Variants in DNM1L observed in about 807,000 individuals in gnomAD.
DNM1L encodes dynamin-1-like protein.
Under a neutral mutation model 92.8 loss-of-function variants are expected in DNM1L, and 33 were observed. The observed-to-expected ratio is 0.36, with a 90% CI of 0.27 to 0.48. The LOEUF (loss-of-function observed/expected upper bound fraction) is 0.48, where lower values mean the gene tolerates loss of function less well. Among genes scored for constraint, DNM1L ranks in the 20% least tolerant of loss-of-function variants. The pLI is 0.99. For missense variants in DNM1L, 485 were observed against 888.8 expected, an observed-to-expected ratio of 0.55 and a Z score of 5.78; for synonymous variants, 284 against 305.0, an observed-to-expected ratio of 0.93 and a Z score of 0.72.
Position 32,731,825 on chromosome 12 carries a change from C to A in DNM1L, c.1357-29C>A. ...ACTTAAAAAAAAAACAAAAAACAAA[C>A]ACGTTTTTCTTTCATCTACCATTTG... On this transcript the variant is annotated intron_variant, in intron 11 of 19. Coordinates refer to ENST00000549701, the MANE Select transcript of DNM1L (RefSeq NM_012062.5). This position sits in a 1 kb window ranked among gnomAD's most constrained non-coding sequence, Gnocchi z 5.1. 2 of 1,406,442 alleles carry A rather than the reference C, an allele frequency of 1.4e-6. No homozygotes were observed. The highest frequency in any genetic ancestry group is 2.0e-6 in the Non-Finnish European group (2 of 1,008,870). 87.1% of individuals were successfully genotyped at this position (1,406,442 alleles called of 1,614,324 possible).
In DNM1L at chr12:32,743,709, C is replaced by CA; in HGVS notation, c.*300dup. On this transcript the variant is annotated 3_prime_UTR_variant, in exon 20 of 20. Coordinates refer to ENST00000549701, the MANE Select transcript of DNM1L (RefSeq NM_012062.5). ...CTGTTAATGTTCTAGTTGTGCAAAG[C>CA]AGTTTGCCTGTGGATAAGATGACCT... 2.5e-6 allele frequency: 1 copy of CA among 395,194 alleles called. No homozygotes were observed. Among genetic ancestry groups the CA allele is most frequent in the Non-Finnish European group, 4.6e-6 (1 of 215,506 alleles). The allele number at this position is 395,194 out of a possible 1,614,324, so 24.5% of individuals were successfully genotyped here.
chr12:32,707,917 C>G (rs1332956158), intron 3 of DNM1L, among the ~76,000 whole-genome samples: 3 of 151,314 alleles, frequency 2.0e-5, no homozygotes, highest in South Asian at 4.2e-4. Flanking sequence ...TGCCACTGTA[C>G]TCCAGTCTGG....
chr12:32,726,610 C>T, intron 9 of DNM1L: 1 of 1,114,906 alleles, frequency 9.0e-7, no homozygotes, highest in Middle Eastern at 2.7e-4. Context: ...GCTTCAGCAT[C>T]ATCATCCAGA....
rs546998899 is a variant in DNM1L, at chr12:32,727,913, A to G, written c.1080-3101A>G. Reference sequence around the variant, plus strand: ...TGTAGAAGTAAGTTTATTAGATTAAAGGATATAACATCCTTAGAATCTTTC... The same window carrying G: ...TGTAGAAGTAAGTTTATTAGATTAAGGGATATAACATCCTTAGAATCTTTC... On this transcript the variant is annotated intron_variant, in intron 9 of 19. Transcript: ENST00000549701. Among the ~76,000 whole-genome samples the G allele has an allele frequency of 7.9e-5, 12 of 152,350 alleles. No homozygotes were observed. In the South Asian group the frequency reaches 2.5e-3, roughly 32 times the overall value.
At position 32,731,822 on chromosome 12, in the gene DNM1L, A is replaced by AAAAAACC. The variant is rs773437197; in HGVS notation, c.1357-30_1357-29insAAACCAA. The AAAAAACC allele has an allele frequency of 6.3e-6, 10 of 1,578,684 alleles. No individual in the cohort carries two copies. The South Asian group carries it at 1.1e-4, about 18-fold the overall frequency. On this transcript the variant is annotated intron_variant, in intron 11 of 19. Coordinates refer to ENST00000549701, the MANE Select transcript of DNM1L (RefSeq NM_012062.5). This position sits in a 1 kb window ranked among gnomAD's most constrained non-coding sequence, Gnocchi z 5.1. The stretch of plus-strand genomic sequence containing the variant: ...ATGACTTAAAAAAAAAACAAAAAAC[A>AAAAAACC]AACACGTTTTTCTTTCATCTACCAT...
At chr12:32,700,120 T>A (rs1208772150) in intron 1 of DNM1L, among the ~76,000 whole-genome samples, 2 of 150,540 alleles carry the variant, frequency 1.3e-5, no homozygotes, top group Admixed American at 1.3e-4. Flanking sequence ...GAATACTGTT[T>A]TAGCTATTTC....
In DNM1L at chr12:32,727,497, C is replaced by T. The variant is rs116785027; in HGVS notation, c.1080-3517C>T. On this transcript the variant is annotated intron_variant, in intron 9 of 19. Transcript: ENST00000549701. Reference sequence around the variant, plus strand: ...AAGAGGCAGCACTGCAAGCAGATGGCGCTAAAAAAAGAGACCCTATCTCTG... The same window carrying T: ...AAGAGGCAGCACTGCAAGCAGATGGTGCTAAAAAAAGAGACCCTATCTCTG... 4.4e-3 allele frequency: 2,471 copies of T among 559,444 alleles called. 49 individuals carry two copies. The highest frequency in any genetic ancestry group is 0.042 in the African/African-American group (2,232 of 53,008). The allele number at this position is 559,444 out of a possible 1,614,324, so 34.7% of individuals were successfully genotyped here. A position where few individuals can be genotyped will look rare whatever the true frequency, so the allele number is the denominator to read the frequency against.
Position 32,745,085 on chromosome 12 carries a change from A to C in DNM1L, c.*1675A>C, listed in dbSNP as rs754720545. 2.1e-6 allele frequency: 1 copy of C among 483,608 alleles called. No homozygotes were observed. Among genetic ancestry groups the C allele is most frequent in the East Asian group, 5.5e-5 (1 of 18,288 alleles). The allele number at this position is 483,608 out of a possible 1,614,324, so 30.0% of individuals were successfully genotyped here. ...ACTGATGTCAAACATAAAAACCCCCACATCAGTCTGATACGATATGGTACT... is the reference window on the plus strand; with the variant it reads ...ACTGATGTCAAACATAAAAACCCCCCCATCAGTCTGATACGATATGGTACT... On this transcript the variant is annotated 3_prime_UTR_variant, in exon 20 of 20. Coordinates refer to ENST00000549701, the MANE Select transcript of DNM1L (RefSeq NM_012062.5).
intron 13 of DNM1L, among the ~76,000 whole-genome samples, chr12:32,734,934 A>G (rs768258709): frequency 4.6e-5 from 7 of 152,252 alleles, no homozygotes; most frequent in Non-Finnish European, 8.8e-5. Flanking sequence ...ATTTTTGGTT[A>G]CATAGCTGGG....
chr12:32,713,340 A>T lies in DNM1L; in HGVS notation c.588A>T (p.Ala196=). The change falls in exon 6 of 20, where the codon GCA becomes GCT. Residue 196 remains alanine, a synonymous_variant. Coordinates refer to ENST00000549701, the MANE Select transcript of DNM1L (RefSeq NM_012062.5). The part of the protein sequence containing the change: ...AANTDMATSE[A]LKISREVDPD... ...ATACAGATATGGCAACATCAGAGGC[A>T]CTTAAAATTTCAAGAGAGGTAGATC... 1 of 1,613,934 alleles carries T rather than the reference A, an allele frequency of 6.2e-7. No individual in the cohort carries two copies. The highest frequency in any genetic ancestry group is 8.5e-7 in the Non-Finnish European group (1 of 1,179,920).
chr12:32,743,290 CG>C, intron 19 of DNM1L, 63 bp from the exon 20 acceptor site: 1 of 1,432,808 alleles, frequency 7.0e-7, no homozygotes, highest in South Asian at 1.2e-5. Context: ...AATTACCCTG[CG>C]TAATTCAGAT....
At chr12:32,723,378 T>A (rs566700740) in intron 9 of DNM1L, among the ~76,000 whole-genome samples, 1 of 152,230 alleles carries the variant, frequency 6.6e-6, no homozygotes, top group South Asian at 2.1e-4. Context: ...ATGAAAAAGA[T>A]TATTTTGCTA....
chr12:32,719,078 G>A lies in DNM1L; in HGVS notation c.740+315G>A, dbSNP rs1365704161. ...TGATCCTTTCACTTCAGCCTTTCAA[G>A]TAGCTGAGACTATAGGTGTGTATCA... On this transcript the variant is annotated intron_variant, in intron 7 of 19. Coordinates refer to ENST00000549701, the MANE Select transcript of DNM1L (RefSeq NM_012062.5). Among the ~76,000 whole-genome samples the A allele has an allele frequency of 3.3e-5, 5 of 151,764 alleles. No individual in the cohort carries two copies. The East Asian group carries it at 9.7e-4, about 29-fold the overall frequency.
intron 1 of DNM1L, among the ~76,000 whole-genome samples, chr12:32,684,514 G>A (rs1447058934): frequency 1.4e-5 from 2 of 143,434 alleles, no homozygotes; most frequent in East Asian, 4.0e-4. Context: ...GTTTTGCTCT[G>A]TTGCTCAGGC....
At chr12:32,709,292 T>G (rs1343708749) in intron 4 of DNM1L, among the ~76,000 whole-genome samples, 1 of 152,176 alleles carries the variant, frequency 6.6e-6, no homozygotes, top group Non-Finnish European at 1.5e-5. Flanking sequence ...ATATCAGGGA[T>G]ATTTTTGGCT....
At chr12:32,702,063 G>A (rs1363174978) in intron 2 of DNM1L, among the ~76,000 whole-genome samples, 3 of 150,916 alleles carry the variant, frequency 2.0e-5, no homozygotes, top group Admixed American at 6.6e-5. Flanking sequence ...GTGAAACCCC[G>A]TCTCTGCTAA....
At chr12:32,687,564 T>C (rs545904468) in intron 1 of DNM1L, among the ~76,000 whole-genome samples, 1 of 152,210 alleles carries the variant, frequency 6.6e-6, no homozygotes, top group Admixed American at 6.5e-5. Flanking sequence ...TGCCTCATCC[T>C]CCCAAGTAGC....
rs967147015 is a variant in DNM1L at position 32,739,999 on chromosome 12, T to G, written c.1708-65T>G. The stretch of plus-strand genomic sequence containing the variant: ...GTATATTGACTACTGTCAAATAAAA[T>G]GAACTTTGTTTTAGTTAAGGTCAGA... On this transcript the variant is annotated intron_variant, in intron 16 of 19. Transcript: ENST00000549701. The G allele has an allele frequency of 2.5e-6, 4 of 1,605,680 alleles. No individual in the cohort carries two copies. In the African/African-American group the frequency reaches 5.4e-5, roughly 21 times the overall value.
chr12:32,692,172 TG>T (rs1439287961), intron 1 of DNM1L, among the ~76,000 whole-genome samples: 2 of 152,234 alleles, frequency 1.3e-5, no homozygotes, highest in African/African-American at 4.8e-5. Flanking sequence ...TTTAAAATTT[TG>T]CTCATTCCAT....
Sources: allele counts gnomAD v4.1 joint callset (sites outside exome capture counted in the v4.1 genomes callset), GRCh38; gene constraint gnomAD v4.1.1; non-coding constraint Gnocchi (gnomAD v3.1); transcripts MANE v1.5; gene names NCBI Gene and HGNC (gene_info 2026-07-23, HGNC 2026-07-21).